Variants in FBXW7 observed in about 807,000 individuals in gnomAD.
FBXW7 encodes F-box/WD repeat-containing protein 7.
In FBXW7, 11 loss-of-function variants were observed where a neutral mutation model predicts 86.3. The ratio of observed to expected loss-of-function variants is 0.13; its 90% CI spans 0.08 to 0.21. The LOEUF is 0.21. Ranked by LOEUF, FBXW7 falls within the 10% of genes least tolerant of loss-of-function variation. FBXW7 has a pLI of 1.00. For synonymous variants in FBXW7, 313 were observed against 297.9 expected (o/e 1.05, Z -0.52); for missense variants, 488 against 847.4 (o/e 0.58, Z 5.27).
intron 6 of FBXW7, among the ~76,000 whole-genome samples, chr4:152,341,964 C>T (rs1394792936): frequency 6.6e-6 from 1 of 151,952 alleles, no homozygotes; most frequent in Non-Finnish European, 1.5e-5. Flanking sequence ...CCTCTTCAGG[C>T]CTTAGTTTAT....
intron 2 of FBXW7, among the ~76,000 whole-genome samples, chr4:152,468,724 T>C (rs1220846892): frequency 6.6e-6 from 1 of 152,118 alleles, no homozygotes; most frequent in Non-Finnish European, 1.5e-5. Flanking sequence ...TCTCCTGGTA[T>C]ATAAATTTCA....
At chr4:152,422,745 CA>C (rs1192108415) in intron 2 of FBXW7, among the ~76,000 whole-genome samples, 3 of 152,138 alleles carry the variant, frequency 2.0e-5, no homozygotes, top group African/African-American at 7.2e-5. Context: ...AGTGCTGATT[CA>C]GTCATAGCCC....
intron 10 of FBXW7, chr4:152,328,639 T>A (rs566997295): frequency 3.5e-6 from 1 of 287,594 alleles, no homozygotes; most frequent in African/African-American, 2.2e-5. Context: ...ATATAAAACA[T>A]GATATAATAA....
chr4:152,498,509 G>T (rs1397752342), intron 2 of FBXW7, among the ~76,000 whole-genome samples: 1 of 152,122 alleles, frequency 6.6e-6, no homozygotes, highest in East Asian at 1.9e-4. Flanking sequence ...ATATTATGAG[G>T]GTGACTGTGC....
At chr4:152,390,759 A>G (rs1297872185) in intron 4 of FBXW7, among the ~76,000 whole-genome samples, 1 of 152,032 alleles carries the variant, frequency 6.6e-6, no homozygotes, top group Non-Finnish European at 1.5e-5. Context: ...TCTTAAGAGT[A>G]TTGCAGGCCA....
At chr4:152,448,216 G>T (rs982125568) in intron 2 of FBXW7, among the ~76,000 whole-genome samples, 3 of 152,220 alleles carry the variant, frequency 2.0e-5, no homozygotes, top group African/African-American at 7.2e-5. Flanking sequence ...AAGCAAGCAA[G>T]TGGTTGTCAG....
intron 4 of FBXW7, among the ~76,000 whole-genome samples, chr4:152,361,864 G>T (rs544826869): frequency 8.6e-5 from 13 of 151,392 alleles, no homozygotes; most frequent in Admixed American, 4.0e-4. Flanking sequence ...TACTTGGGAG[G>T]CTAAGGCAGG....
chr4:152,347,805 GGAC>G (rs1304312212), intron 5 of FBXW7, among the ~76,000 whole-genome samples: 1 of 151,856 alleles, frequency 6.6e-6, no homozygotes, highest in African/African-American at 2.4e-5. Flanking sequence ...AGTAAAATGA[GGAC>G]GACTAGATGA....
chr4:152,377,171 A>T (rs1351056351), intron 4 of FBXW7, among the ~76,000 whole-genome samples: 3 of 152,194 alleles, frequency 2.0e-5, no homozygotes, highest in Non-Finnish European at 2.9e-5. Flanking sequence ...AACAGCCAGT[A>T]CCTGCAGCAT....
intron 2 of FBXW7, among the ~76,000 whole-genome samples, chr4:152,443,087 G>A (rs1272590080): frequency 3.3e-5 from 5 of 152,028 alleles, no homozygotes; most frequent in Admixed American, 6.6e-5. Flanking sequence ...ACACGGAGAA[G>A]CCCTGTCTCT....
chr4:152,334,836 C>T (rs553170625), intron 7 of FBXW7, among the ~76,000 whole-genome samples: 5 of 152,302 alleles, frequency 3.3e-5, no homozygotes, highest in South Asian at 4.1e-4. Context: ...AGAACTTCGA[C>T]TTATTAAATG....
At position 152,411,889 on chromosome 4, in the gene FBXW7, G is replaced by A. The variant is rs2126884125; in HGVS notation, c.-69-17C>T. The A allele has an allele frequency of 6.9e-7, 1 of 1,448,562 alleles. No homozygotes were observed. The highest frequency in any genetic ancestry group is 9.1e-7 in the Non-Finnish European group (1 of 1,101,084). 89.7% of individuals were successfully genotyped at this position (1,448,562 alleles called of 1,614,324 possible). ...TTTCACATTCTGCAGGGGAAAATAG[G>A]GTAAAAAACAAGATTTGTACAATCT... On this transcript the variant is annotated splice_polypyrimidine_tract_variant and intron_variant, in intron 3 of 13. Coordinates refer to ENST00000281708, the MANE Select transcript of FBXW7 (RefSeq NM_001349798.2).
intron 2 of FBXW7, among the ~76,000 whole-genome samples, chr4:152,441,138 A>T (rs1306604054): frequency 6.6e-6 from 1 of 152,148 alleles, no homozygotes; most frequent in Non-Finnish European, 1.5e-5. Flanking sequence ...TTATATGGCT[A>T]AGTATGTTCC....
intron 2 of FBXW7, among the ~76,000 whole-genome samples, chr4:152,469,739 A>C (rs1743782222): frequency 6.6e-6 from 1 of 152,132 alleles, no homozygotes; most frequent in Admixed American, 6.5e-5. Context: ...GTACACTGAA[A>C]GAATCTCTGG....
At chr4:152,437,497 T>C (rs1174723838) in intron 2 of FBXW7, among the ~76,000 whole-genome samples, 1 of 152,186 alleles carries the variant, frequency 6.6e-6, no homozygotes, top group East Asian at 1.9e-4. Context: ...ATAATAAAAC[T>C]TGAATGGATA....
chr4:152,512,226 A>G (rs1348389913), intron 2 of FBXW7, among the ~76,000 whole-genome samples: 1 of 152,216 alleles, frequency 6.6e-6, no homozygotes, highest in African/African-American at 2.4e-5. Context: ...AGATCAGATG[A>G]CAAGGTTATC....
At chr4:152,476,856 C>T (rs1298232914) in intron 2 of FBXW7, among the ~76,000 whole-genome samples, 1 of 152,102 alleles carries the variant, frequency 6.6e-6, no homozygotes, top group Non-Finnish European at 1.5e-5. Flanking sequence ...GATACTTTTA[C>T]AGCAATAGTG....
intron 2 of FBXW7, among the ~76,000 whole-genome samples, chr4:152,451,467 G>A (rs1741901990): frequency 6.6e-6 from 1 of 152,034 alleles, no homozygotes; most frequent in South Asian, 2.1e-4. Context: ...GCATAAATAA[G>A]CATAAGCTAA....
At chr4:152,357,522 T>G (rs1466742477) in intron 4 of FBXW7, among the ~76,000 whole-genome samples, 2 of 151,980 alleles carry the variant, frequency 1.3e-5, no homozygotes, top group Non-Finnish European at 2.9e-5. Context: ...GGTTTCACCA[T>G]GTTGGCCAGG....
Sources: allele counts gnomAD v4.1 joint callset (sites outside exome capture counted in the v4.1 genomes callset), GRCh38; gene constraint gnomAD v4.1.1; transcripts MANE v1.5; gene names NCBI Gene and HGNC (gene_info 2026-07-23, HGNC 2026-07-21).